The following NMNAT2 variants were observed in gnomAD, a reference collection of about 807,000 sequenced individuals.
NMNAT2 encodes nicotinamide nucleotide adenylyltransferase 2.
A neutral mutation model predicts 41.6 loss-of-function variants in NMNAT2; 11 were observed. The observed-to-expected ratio is 0.26, with a 90% confidence interval of 0.17 to 0.44. The LOEUF (loss-of-function observed/expected upper bound fraction) is 0.44. Among genes scored for constraint, NMNAT2 ranks in the 20% least tolerant of loss-of-function variants. The pLI is 1.00. For missense variants in NMNAT2, 288 were observed against 407.7 expected (o/e 0.71, Z 2.53); for synonymous variants, 148 against 151.2 (o/e 0.98, Z 0.16).
intron 8 of NMNAT2, among the ~76,000 whole-genome samples, chr1:183,269,268 G>A (rs1201779832): frequency 2.0e-5 from 3 of 152,142 alleles, no homozygotes; most frequent in Non-Finnish European, 2.9e-5. Flanking sequence ...TAAACTAGGC[G>A]GGACTAGGAC....
rs752308647 is a variant in NMNAT2, at chr1:183,359,078, CT to C, written c.85+59104del. ...TTATAGAAATTCCTTTCTATCTTGA[CT>C]TTTTTTTTTTAAAGTGTGATCTAAC... On this transcript the variant is annotated intron_variant, in intron 1 of 10. Transcript: ENST00000287713. Among the ~76,000 whole-genome samples, 765 of 146,942 alleles carry C rather than the reference CT, an allele frequency of 5.2e-3. 7 individuals are homozygous for C. Among genetic ancestry groups the C allele is most frequent in the African/African-American group, 0.012 (483 of 40,156 alleles).
intron 1 of NMNAT2, among the ~76,000 whole-genome samples, chr1:183,344,406 G>A (rs1393779164): frequency 2.0e-5 from 3 of 152,100 alleles, no homozygotes; most frequent in South Asian, 2.1e-4. Flanking sequence ...CTGTTCTACC[G>A]GCCTTTGTAT....
At chr1:183,300,350 C>T (rs574630562) in intron 1 of NMNAT2, among the ~76,000 whole-genome samples, 3 of 150,984 alleles carry the variant, frequency 2.0e-5, no homozygotes, top group South Asian at 2.1e-4. Context: ...TGCAGTGAGC[C>T]GAGATTGCAC....
At chr1:183,281,675 C>T (rs937267803) in intron 7 of NMNAT2, among the ~76,000 whole-genome samples, 2 of 152,226 alleles carry the variant, frequency 1.3e-5, no homozygotes, top group African/African-American at 4.8e-5. Flanking sequence ...TGACTTCTCC[C>T]AGTTTGTCCT....
chr1:183,414,520 A>G (rs1439870722), intron 1 of NMNAT2, among the ~76,000 whole-genome samples: 1 of 152,210 alleles, frequency 6.6e-6, no homozygotes, highest in Non-Finnish European at 1.5e-5. Context: ...AAAACTTCCA[A>G]TTCCACATTA....
chr1:183,304,977 T>C (rs1179200838), intron 1 of NMNAT2: 43 of 856,714 alleles, frequency 5.0e-5, no homozygotes, highest in Non-Finnish European at 6.7e-5. Context: ...CTCCCGCTTG[T>C]AGGAGCCACT....
intron 7 of NMNAT2, among the ~76,000 whole-genome samples, chr1:183,282,100 A>G (rs1661285947): frequency 6.6e-6 from 1 of 152,240 alleles, no homozygotes; most frequent in Non-Finnish European, 1.5e-5. Flanking sequence ...CCAATCTGAC[A>G]GCTGTGGCTG....
chr1:183,357,280 A>C (rs1315277192), intron 1 of NMNAT2, among the ~76,000 whole-genome samples: 1 of 119,922 alleles, frequency 8.3e-6, no homozygotes, highest in Non-Finnish European at 1.6e-5. Context: ...CCCAGGCTGG[A>C]GTTCAGTGGC....
At chr1:183,368,607 C>T (rs1236452554) in intron 1 of NMNAT2, among the ~76,000 whole-genome samples, 1 of 152,172 alleles carries the variant, frequency 6.6e-6, no homozygotes, top group South Asian at 2.1e-4. Flanking sequence ...CTCCTCTGTC[C>T]CATAACATGC....
At chr1:183,392,057 C>T (rs1325189350) in intron 1 of NMNAT2, among the ~76,000 whole-genome samples, 9 of 152,158 alleles carry the variant, frequency 5.9e-5, no homozygotes, top group African/African-American at 1.9e-4. Context: ...TATGCTGATG[C>T]CTCCTGACTT....
intron 8 of NMNAT2, among the ~76,000 whole-genome samples, chr1:183,269,285 C>A (rs1337784471): frequency 6.6e-6 from 1 of 152,144 alleles, no homozygotes; most frequent in Non-Finnish European, 1.5e-5. Context: ...GGACACACTG[C>A]GGTTGGAAAA....
intron 1 of NMNAT2, among the ~76,000 whole-genome samples, chr1:183,345,928 T>C (rs972038514): frequency 2.6e-5 from 4 of 152,124 alleles, no homozygotes; most frequent in South Asian, 2.1e-4. Context: ...CCTCGTGATC[T>C]GCCTGCCTCG....
intron 8 of NMNAT2, among the ~76,000 whole-genome samples, chr1:183,277,442 A>G (rs938500428): frequency 6.9e-6 from 1 of 145,234 alleles, no homozygotes. Context: ...TTGAACCTGG[A>G]AGGCAGAGGT....
At chr1:183,398,672 C>T (rs1648724117) in intron 1 of NMNAT2, among the ~76,000 whole-genome samples, 1 of 152,154 alleles carries the variant, frequency 6.6e-6, no homozygotes, top group South Asian at 2.1e-4. Context: ...TAAAGCACTC[C>T]TCAGCAAAAG....
intron 1 of NMNAT2, among the ~76,000 whole-genome samples, chr1:183,317,140 C>T (rs751258421): frequency 3.3e-5 from 5 of 152,242 alleles, no homozygotes; most frequent in South Asian, 4.1e-4. Flanking sequence ...TGGGAACCGT[C>T]GGGTCATACC....
chr1:183,326,142 G>A (rs921843319), intron 1 of NMNAT2, among the ~76,000 whole-genome samples: 4 of 152,106 alleles, frequency 2.6e-5, no homozygotes, highest in African/African-American at 4.8e-5. Flanking sequence ...TTGGGAGGCC[G>A]AGCTGGGTGG....
At chr1:183,408,667 C>G (rs1649028988) in intron 1 of NMNAT2, among the ~76,000 whole-genome samples, 1 of 152,094 alleles carries the variant, frequency 6.6e-6, no homozygotes, top group African/African-American at 2.4e-5. Flanking sequence ...GGGCCTTTAC[C>G]CATTCTTTGT....
At chr1:183,364,650 G>A (rs2485931) in intron 1 of NMNAT2, among the ~76,000 whole-genome samples, 66,157 of 140,436 alleles carry the variant, frequency 0.47, 15,216 homozygotes, top group East Asian at 0.68. Context: ...AGCAAGGGGA[G>A]GATGATTTCT....
intron 8 of NMNAT2, among the ~76,000 whole-genome samples, chr1:183,263,665 G>T (rs542995780): frequency 1.3e-3 from 204 of 152,142 alleles, no homozygotes; most frequent in Non-Finnish European, 2.4e-3. Context: ...AAAATTAGCC[G>T]GGCGTGGTGG....
Sources: gnomAD v4.1 joint callset for allele counts (sites outside exome capture counted in the v4.1 genomes callset) on GRCh38, gnomAD v4.1.1 for gene constraint, MANE v1.5 for transcripts, NCBI Gene and HGNC (gene_info 2026-07-23, HGNC 2026-07-21) for gene names.